Variants in ST7 observed in about 807,000 individuals in gnomAD.
ST7 encodes the protein suppressor of tumorigenicity 7 protein.
ST7 carries 28 observed loss-of-function variants against 78.7 expected under a neutral mutation model. That is an observed-to-expected ratio of 0.36 (90% CI 0.26 to 0.49). The LOEUF is 0.49. Ranked by LOEUF, ST7 falls within the 20% of genes least tolerant of loss-of-function variation. The pLI is 0.99. For missense variants in ST7, 418 were observed against 696.0 expected, an observed-to-expected ratio of 0.60 and a Z score of 4.49; for synonymous variants, 247 against 249.6, an observed-to-expected ratio of 0.99 and a Z score of 0.10.
chr7:116,984,692 G>A (rs1332941184), intron 1 of ST7, among the ~76,000 whole-genome samples: 1 of 152,088 alleles, frequency 6.6e-6, no homozygotes, highest in Non-Finnish European at 1.5e-5. Flanking sequence ...TCCTGTGAGG[G>A]TTAAATGAGA....
At chr7:117,148,125 G>C (rs1042899080) in intron 9 of ST7, among the ~76,000 whole-genome samples, 1 of 152,130 alleles carries the variant, frequency 6.6e-6, no homozygotes, top group Admixed American at 6.5e-5. Context: ...GAATGTGATA[G>C]AATATTCACC....
chr7:117,073,690 GT>G (rs1799139548), intron 1 of ST7: 1 of 152,188 alleles, frequency 6.6e-6, no homozygotes, highest in Non-Finnish European at 1.5e-5. Flanking sequence ...AAGGGGGACA[GT>G]AGTAGTACAT....
intron 9 of ST7, among the ~76,000 whole-genome samples, chr7:117,168,684 A>G (rs1044078059): frequency 6.6e-6 from 1 of 152,238 alleles, no homozygotes; most frequent in African/African-American, 2.4e-5. Flanking sequence ...CTTACTGAAC[A>G]CATAATCAGT....
At chr7:117,173,143 GCCC>G (rs1335664443) in intron 10 of ST7, among the ~76,000 whole-genome samples, 1 of 152,148 alleles carries the variant, frequency 6.6e-6, no homozygotes, top group Non-Finnish European at 1.5e-5. Context: ...CCATACCAAG[GCCC>G]TTGTGTTGAG....
intron 1 of ST7, among the ~76,000 whole-genome samples, chr7:117,093,683 G>A (rs758121234): frequency 9.9e-5 from 15 of 151,934 alleles, no homozygotes; most frequent in Non-Finnish European, 1.8e-4. Flanking sequence ...CCTGGGCGAC[G>A]GAGTGAGACT....
In ST7 at chr7:117,119,706, G is replaced by C. The variant is rs753807187; in HGVS notation, c.380G>C (p.Arg127Thr). The C allele has an allele frequency of 5.0e-6, 8 of 1,612,322 alleles. No homozygotes were observed. Among genetic ancestry groups the C allele is most frequent in the Non-Finnish European group, 6.8e-6 (8 of 1,179,636 alleles). Residue 127 changes from arginine (R) to threonine (T), a missense_variant, in exon 3 of 16, where the codon AGG becomes ACG. Physicochemically the swap from Arg to Thr is moderately conservative, Grantham distance 71. Transcript: ENST00000323984. The part of the protein sequence containing the change: ...NSSNGDSDSN[R>T]QSVSECKVWR... ...AGTAACGGGGACTCAGATTCCAATA[G>C]GCAAAGTGTCTCAGGTATGGAATTT...
intron 5 of ST7, among the ~76,000 whole-genome samples, chr7:117,131,342 T>C (rs960866715): frequency 6.6e-6 from 1 of 151,880 alleles, no homozygotes; most frequent in Non-Finnish European, 1.5e-5. Flanking sequence ...TCCCACCATA[T>C]GTTCAGAAAC....
chr7:116,960,622 T>C (rs1478033045), intron 1 of ST7, among the ~76,000 whole-genome samples: 2 of 152,184 alleles, frequency 1.3e-5, no homozygotes, highest in Non-Finnish European at 2.9e-5. Flanking sequence ...CACAGACAAT[T>C]TTTTTCCACA....
At chr7:116,996,514 T>G (rs1303520125) in intron 1 of ST7, among the ~76,000 whole-genome samples, 1 of 152,192 alleles carries the variant, frequency 6.6e-6, no homozygotes, top group African/African-American at 2.4e-5. Flanking sequence ...TAATATAAAC[T>G]TGTTAGTGCT....
intron 1 of ST7, chr7:116,956,701 T>G: frequency 2.1e-6 from 1 of 468,160 alleles, no homozygotes; most frequent in Non-Finnish European, 4.4e-6. Flanking sequence ...ACAATTTTAA[T>G]CCTCATTTGA....
chr7:117,157,272 G>A (rs538612074), intron 9 of ST7, among the ~76,000 whole-genome samples: 2 of 152,270 alleles, frequency 1.3e-5, no homozygotes, highest in East Asian at 3.9e-4. Context: ...CTGCCTCATA[G>A]ACAAAAGTTT....
chr7:117,047,536 G>A (rs1397004117), intron 1 of ST7, among the ~76,000 whole-genome samples: 1 of 152,148 alleles, frequency 6.6e-6, no homozygotes, highest in Admixed American at 6.5e-5. Flanking sequence ...AAATGTGCAT[G>A]TCTAGCTGCA....
intron 1 of ST7, among the ~76,000 whole-genome samples, chr7:117,056,587 A>C (rs923614328): frequency 1.3e-5 from 2 of 152,284 alleles, no homozygotes; most frequent in African/African-American, 4.8e-5. Context: ...GTGAGCCAAG[A>C]TTGCACCATT....
chr7:117,098,283 G>A (rs563314179), intron 1 of ST7, among the ~76,000 whole-genome samples: 10 of 151,792 alleles, frequency 6.6e-5, no homozygotes, highest in African/African-American at 2.4e-4. Flanking sequence ...GGCCCATGCT[G>A]TCTCCTTGGC....
chr7:117,198,320 G>A (rs550507905), intron 12 of ST7: 2 of 456,350 alleles, frequency 4.4e-6, no homozygotes, highest in African/African-American at 2.0e-5. Flanking sequence ...GTGCTTGCAG[G>A]CTAGGTGGAA....
At chr7:117,038,878 A>G (rs919507481) in intron 1 of ST7, among the ~76,000 whole-genome samples, 8 of 152,168 alleles carry the variant, frequency 5.3e-5, no homozygotes, top group Non-Finnish European at 1.2e-4. Flanking sequence ...CTTCCACTCA[A>G]TGATATCTTC....
chr7:116,978,459 G>T (rs1248219380), intron 1 of ST7, among the ~76,000 whole-genome samples: 2 of 152,140 alleles, frequency 1.3e-5, no homozygotes, highest in African/African-American at 4.8e-5. Flanking sequence ...TTTGTTTAGG[G>T]ATAGTGGGAT....
intron 1 of ST7, chr7:116,968,497 A>G (rs1272536701): frequency 4.6e-6 from 2 of 430,976 alleles, no homozygotes; most frequent in Non-Finnish European, 9.4e-6. Context: ...GTGCGCCACC[A>G]TGCCTGGCTT....
chr7:117,063,562 A>C (rs1315151587), intron 1 of ST7, among the ~76,000 whole-genome samples: 1 of 152,108 alleles, frequency 6.6e-6, no homozygotes, highest in Admixed American at 6.6e-5. Context: ...TCCAAAAATT[A>C]GCTGGGTGTG....
Sources: allele counts gnomAD v4.1 joint callset (sites outside exome capture counted in the v4.1 genomes callset), GRCh38; gene constraint gnomAD v4.1.1; transcripts MANE v1.5; gene names NCBI Gene and HGNC (gene_info 2026-07-23, HGNC 2026-07-21).